CHSY3: variants seen among roughly 807,000 people sequenced by gnomAD.
CHSY3 encodes chondroitin sulfate synthase 3.
In CHSY3, 35 loss-of-function variants were observed where a neutral mutation model predicts 67.2. The observed-to-expected ratio is 0.52, with a 90% confidence interval of 0.40 to 0.69. The LOEUF (loss-of-function observed/expected upper bound fraction) is 0.69, where lower values mean the gene tolerates loss of function less well. Among genes scored for constraint, CHSY3 ranks in the 30% least tolerant of loss-of-function variants. The probability of loss-of-function intolerance (pLI) is 0.00; values close to 1 mark genes in which losing one functional copy is unlikely to be tolerated. For synonymous variants in CHSY3, 474 were observed against 434.7 expected (o/e 1.09, Z -1.12); for missense variants, 1,069 against 1,138.5 (o/e 0.94, Z 0.88).
At chr5:129,932,124 A>G (rs980028480) in intron 2 of CHSY3, among the ~76,000 whole-genome samples, 2 of 134,798 alleles carry the variant, frequency 1.5e-5, no homozygotes, top group Non-Finnish European at 3.1e-5. Flanking sequence ...ATATATATAT[A>G]TATATATATA....
At chr5:130,178,253 A>ATATATATATATT (rs1205782386) in intron 2 of CHSY3, among the ~76,000 whole-genome samples, 150 of 45,884 alleles carry the variant, frequency 3.3e-3, no homozygotes, top group Non-Finnish European at 4.0e-3. Context: ...ATATATATAT[A>ATATATATATATT]TTTTTTTTTT....
chr5:129,944,244 G>A (rs1761781516), intron 2 of CHSY3, among the ~76,000 whole-genome samples: 1 of 152,214 alleles, frequency 6.6e-6, no homozygotes, highest in African/African-American at 2.4e-5. Context: ...GTAGGTGGAA[G>A]AAGGAGGGAG....
intron 2 of CHSY3, among the ~76,000 whole-genome samples, chr5:130,006,455 G>T (rs987805114): frequency 6.6e-6 from 1 of 152,174 alleles, no homozygotes; most frequent in Non-Finnish European, 1.5e-5. Context: ...CAGAGGGTGA[G>T]CTCTGTGATG....
chr5:129,923,939 T>A (rs1040532716), intron 2 of CHSY3, among the ~76,000 whole-genome samples: 1 of 152,226 alleles, frequency 6.6e-6, no homozygotes, highest in Non-Finnish European at 1.5e-5. Context: ...ATAAATGTAT[T>A]TGTTTTAAGT....
intron 2 of CHSY3, among the ~76,000 whole-genome samples, chr5:129,988,786 T>C (rs1004730030): frequency 1.3e-5 from 2 of 152,218 alleles, no homozygotes; most frequent in African/African-American, 4.8e-5. Context: ...CAATATTTTA[T>C]TATTTTAACC....
intron 2 of CHSY3, among the ~76,000 whole-genome samples, chr5:130,108,428 A>C (rs983552735): frequency 1.3e-5 from 2 of 151,628 alleles, no homozygotes; most frequent in African/African-American, 4.8e-5. Context: ...ATACAAATAA[A>C]TAACTTCTCC....
chr5:130,104,847 ACTAAT>A (rs1561538877), intron 2 of CHSY3, among the ~76,000 whole-genome samples: 3 of 151,824 alleles, frequency 2.0e-5, no homozygotes, highest in African/African-American at 7.2e-5. Flanking sequence ...AGTTTATATG[ACTAAT>A]TAAATGTATC....
intron 2 of CHSY3, among the ~76,000 whole-genome samples, chr5:130,136,158 G>A (rs746692280): frequency 4.0e-4 from 61 of 152,178 alleles, no homozygotes; most frequent in Non-Finnish European, 6.8e-4. Context: ...GAGTGAGAAA[G>A]GCTTCACCAA....
In CHSY3 at chr5:130,121,817, G is replaced by A. The variant is rs77410381; in HGVS notation, c.1087-62412G>A. On this transcript the variant is annotated intron_variant, in intron 2 of 2. Coordinates refer to ENST00000305031, the MANE Select transcript of CHSY3 (RefSeq NM_175856.5). Reference sequence around the variant, plus strand: ...CTCCAAATTGCTTATCTTTTTTTCAGAAATAGGAAAGTGAGGCTGCTAAGG... The same window carrying A: ...CTCCAAATTGCTTATCTTTTTTTCAAAAATAGGAAAGTGAGGCTGCTAAGG... 6.3e-3 allele frequency among the ~76,000 whole-genome samples: 952 copies of A among 152,014 alleles called. 10 individuals are homozygous for A. The highest frequency in any genetic ancestry group is 0.022 in the African/African-American group (913 of 41,462).
intron 2 of CHSY3, among the ~76,000 whole-genome samples, chr5:130,133,695 C>T (rs1036037580): frequency 9.4e-5 from 14 of 149,114 alleles, no homozygotes; most frequent in African/African-American, 3.5e-4. Flanking sequence ...TTGCTTGAAC[C>T]CAGGAGGCGG....
At chr5:130,079,572 C>A (rs1766380687) in intron 2 of CHSY3, among the ~76,000 whole-genome samples, 1 of 151,964 alleles carries the variant, frequency 6.6e-6, no homozygotes, top group South Asian at 2.1e-4. Context: ...GTTTCCGGGA[C>A]AAGAAGAATA....
intron 2 of CHSY3, among the ~76,000 whole-genome samples, chr5:129,974,414 G>A (rs1580601405): frequency 1.3e-5 from 2 of 152,090 alleles, no homozygotes; most frequent in African/African-American, 4.8e-5. Flanking sequence ...TATATAAAAT[G>A]TGTTTATACT....
intron 2 of CHSY3, among the ~76,000 whole-genome samples, chr5:130,037,680 A>G (rs1449219784): frequency 6.6e-6 from 1 of 152,030 alleles, no homozygotes; most frequent in Non-Finnish European, 1.5e-5. Context: ...TAGAATTTTT[A>G]AAATTAACAA....
At chr5:130,030,253 A>G (rs1029200151) in intron 2 of CHSY3, among the ~76,000 whole-genome samples, 2 of 152,114 alleles carry the variant, frequency 1.3e-5, no homozygotes, top group South Asian at 2.1e-4. Context: ...TTTTCTGGTT[A>G]TATGATGTTT....
chr5:130,104,512 G>A (rs897125855), intron 2 of CHSY3, among the ~76,000 whole-genome samples: 2 of 151,734 alleles, frequency 1.3e-5, no homozygotes, highest in African/African-American at 4.8e-5. Flanking sequence ...CCTATTTTTA[G>A]GAGGGACTTC....
intron 2 of CHSY3, among the ~76,000 whole-genome samples, chr5:130,113,643 C>T (rs745817754): frequency 2.6e-5 from 4 of 152,130 alleles, no homozygotes; most frequent in Non-Finnish European, 5.9e-5. Context: ...TTACAAGGCC[C>T]AGTCTCTCCA....
chr5:130,064,027 G>A (rs1443357078), intron 2 of CHSY3, among the ~76,000 whole-genome samples: 1 of 151,984 alleles, frequency 6.6e-6, no homozygotes, highest in Non-Finnish European at 1.5e-5. Flanking sequence ...GATGATTTAG[G>A]AGGAATTACT....
chr5:129,959,430 G>A (rs904917121), intron 2 of CHSY3, among the ~76,000 whole-genome samples: 2 of 151,976 alleles, frequency 1.3e-5, no homozygotes, highest in Admixed American at 6.6e-5. Flanking sequence ...TTGAAATTTG[G>A]ATGTTATGAA....
At position 130,143,708 on chromosome 5, in the gene CHSY3, G is replaced by GTA. The variant is rs1304886236; in HGVS notation, c.1087-40509_1087-40508dup. Among the ~76,000 whole-genome samples, 182 of 131,500 alleles carry GTA rather than the reference G, an allele frequency of 1.4e-3. 6 individuals are homozygous for GTA. The highest frequency in any genetic ancestry group is 4.8e-3 in the South Asian group (19 of 3,918). 86.3% of individuals were successfully genotyped at this position (131,500 alleles called of 152,430 possible). A position where few individuals can be genotyped will look rare whatever the true frequency, so the allele number is the denominator to read the frequency against. On this transcript the variant is annotated intron_variant, in intron 2 of 2. Transcript: ENST00000305031. ...AAGGAGTAGAAATCATACCCATAGG[G>GTA]TATATATATATATGTGTGTGTGTGT...
Sources: allele counts gnomAD v4.1 joint callset (sites outside exome capture counted in the v4.1 genomes callset), GRCh38; gene constraint gnomAD v4.1.1; transcripts MANE v1.5; gene names NCBI Gene and HGNC (gene_info 2026-07-23, HGNC 2026-07-21).